The following CYLD variants were observed in gnomAD, a reference collection of about 807,000 sequenced individuals.
CYLD encodes the protein CYLD lysine 63 deubiquitinase, also known as ubiquitin carboxyl-terminal hydrolase CYLD.
In CYLD, 26 loss-of-function variants were observed where a neutral mutation model predicts 104.5. The ratio of observed to expected loss-of-function variants is 0.25; its 90% CI spans 0.18 to 0.35. The LOEUF (loss-of-function observed/expected upper bound fraction) is 0.35. Ranked by LOEUF, CYLD falls within the 10% of genes least tolerant of loss-of-function variation. The probability of loss-of-function intolerance (pLI) is 1.00; values close to 1 mark genes in which losing one functional copy is unlikely to be tolerated. For synonymous variants in CYLD, 385 were observed against 399.9 expected (o/e 0.96, Z 0.45); for missense variants, 703 against 1,136.1 (o/e 0.62, Z 5.48).
intron 12 of CYLD, 49 bp from the exon 13 acceptor site, chr16:50,786,806 T>C (rs1158844315): frequency 8.0e-7 from 1 of 1,257,330 alleles, no homozygotes; most frequent in Non-Finnish European, 1.2e-6. Context: ...AGATGTGTTA[T>C]ATAATTTAAT....
intron 5 of CYLD, among the ~76,000 whole-genome samples, chr16:50,771,635 G>A (rs1331111014): frequency 1.3e-5 from 2 of 152,022 alleles, no homozygotes; most frequent in African/African-American, 2.4e-5. Flanking sequence ...ATGTATGAGG[G>A]TTCTAATTTC....
intron 14 of CYLD, among the ~76,000 whole-genome samples, chr16:50,788,404 C>T (rs2151019905): frequency 6.6e-6 from 1 of 152,284 alleles, no homozygotes; most frequent in South Asian, 2.1e-4. Flanking sequence ...AAACAATGGA[C>T]CTTTTTACAT....
intron 11 of CYLD, 154 bp from the exon 12 acceptor site, chr16:50,784,175 C>A: frequency 2.8e-6 from 2 of 723,760 alleles, no homozygotes; most frequent in Non-Finnish European, 4.6e-6. Context: ...GGTATCTTCA[C>A]AGGGGTCCTG....
chr16:50,757,379 T>G (rs1225100320), intron 5 of CYLD, among the ~76,000 whole-genome samples: 1 of 152,246 alleles, frequency 6.6e-6, no homozygotes, highest in Non-Finnish European at 1.5e-5. Context: ...TGTGACATAC[T>G]TTGCTTTACT....
At chr16:50,796,290 C>G in intron 18 of CYLD, 34 bp from the exon 19 acceptor site, 4 of 1,605,530 alleles carry the variant, frequency 2.5e-6, no homozygotes, top group Non-Finnish European at 3.4e-6. Context: ...TAGAACTTGA[C>G]TGCCCTATAA....
chr16:50,797,218 A>G lies in CYLD; in HGVS notation c.*710A>G, dbSNP rs1208167663. 2 of 232,742 alleles carry G rather than the reference A, an allele frequency of 8.6e-6. No homozygotes were observed. The highest frequency in any genetic ancestry group is 6.1e-5 in the East Asian group (1 of 16,522). The allele number at this position is 232,742 out of a possible 1,614,324, so 14.4% of individuals were successfully genotyped here. ...GGGTATTTAGCAGTTGAAGCTCTTCATTCATAGTAGTTACTGTCAGCTAAC... is the reference window on the plus strand; with the variant it reads ...GGGTATTTAGCAGTTGAAGCTCTTCGTTCATAGTAGTTACTGTCAGCTAAC... On this transcript the variant is annotated 3_prime_UTR_variant, in exon 19 of 19. Transcript: ENST00000427738.
At chr16:50,778,152 C>T (rs902300463) in intron 8 of CYLD, 9 of 489,100 alleles carry the variant, frequency 1.8e-5, no homozygotes, top group Non-Finnish European at 3.3e-5. Context: ...GTAATTTGTT[C>T]TTTTCCTTTA....
chr16:50,779,501 G>A (rs575981243), intron 8 of CYLD, among the ~76,000 whole-genome samples, 164 bp from the exon 9 acceptor site: 1 of 152,160 alleles, frequency 6.6e-6, no homozygotes, highest in African/African-American at 2.4e-5. Context: ...AGAGAGGAGC[G>A]AGAACACTGT....
chr16:50,796,896 A>G lies in CYLD; in HGVS notation c.*388A>G. ...CTTCTTTATGGACCAAGGATATGAA[A>G]TCATTTTTCTTTTGTAGCTAACGGT... is the stretch of plus-strand genomic sequence containing the variant. On this transcript the variant is annotated 3_prime_UTR_variant, in exon 19 of 19. Transcript: ENST00000427738. The G allele has an allele frequency of 3.1e-6, 1 of 319,082 alleles. No homozygotes were observed. The highest frequency in any genetic ancestry group is 4.9e-5 in the East Asian group (1 of 20,614). 19.8% of individuals were successfully genotyped at this position (319,082 alleles called of 1,614,324 possible).
intron 14 of CYLD, 131 bp downstream of exon 14, chr16:50,787,983 G>A: frequency 3.5e-6 from 2 of 577,148 alleles, no homozygotes; most frequent in South Asian, 4.4e-5. Context: ...AATAGGCTAG[G>A]GGAATATCAT....
chr16:50,790,004 A>G (rs557506283), intron 14 of CYLD, among the ~76,000 whole-genome samples: 1 of 152,364 alleles, frequency 6.6e-6, no homozygotes, highest in East Asian at 1.9e-4. Flanking sequence ...AGAGTTAGAA[A>G]ACAAGAAAGA....
intron 5 of CYLD, among the ~76,000 whole-genome samples, chr16:50,763,690 CATA>C (rs1263394335): frequency 6.6e-6 from 1 of 152,186 alleles, no homozygotes; most frequent in Non-Finnish European, 1.5e-5. Flanking sequence ...ATAGTTTGCA[CATA>C]ATAACAGTTT....
chr16:50,793,483 T>G, intron 16 of CYLD, 63 bp from the exon 17 acceptor site: 1 of 1,113,380 alleles, frequency 9.0e-7, no homozygotes, highest in South Asian at 1.2e-5. Flanking sequence ...TTACATCTTC[T>G]TCATGAAAGA....
intron 5 of CYLD, among the ~76,000 whole-genome samples, chr16:50,774,210 G>A (rs1261840049): frequency 6.6e-6 from 1 of 151,960 alleles, no homozygotes; most frequent in African/African-American, 2.4e-5. Flanking sequence ...AAATTTATAT[G>A]CTATAATTTA....
chr16:50,786,826 T>C (rs1597073012), intron 12 of CYLD, 29 bp from the exon 13 acceptor site: 2 of 1,410,596 alleles, frequency 1.4e-6, no homozygotes, highest in East Asian at 4.6e-5. Context: ...TACATGCCAA[T>C]ATCAATTAAT....
intron 5 of CYLD, 37 bp downstream of exon 5, chr16:50,754,461 C>G (rs1476318887): frequency 4.3e-6 from 6 of 1,386,628 alleles, no homozygotes; most frequent in Admixed American, 1.8e-5. Flanking sequence ...ATAAGGCAAA[C>G]TTTATTTTTT....
At position 50,796,315 on chromosome 16, in the gene CYLD, G is replaced by A; in HGVS notation, c.2687-9G>A. 6.2e-7 allele frequency: 1 copy of A among 1,614,014 alleles called. No homozygotes were observed. The highest frequency in any genetic ancestry group is 2.2e-5 in the East Asian group (1 of 44,878). On this transcript the variant is annotated splice_polypyrimidine_tract_variant and intron_variant, in intron 18 of 18. Coordinates refer to ENST00000427738, the MANE Select transcript of CYLD (RefSeq NM_001378743.1). Reference sequence around the variant, plus strand: ...CTGCCCTATAAAGAGTTCTTCCTCTGTGCCATAGGTGGTCAGAATGGCTTC... The same window carrying A: ...CTGCCCTATAAAGAGTTCTTCCTCTATGCCATAGGTGGTCAGAATGGCTTC...
In CYLD at chr16:50,776,123, G is replaced by A. The variant is rs575300822; in HGVS notation, c.923-56G>A. ...TTTTATTTTGTTACTGTCATTCCTT[G>A]TTTCTCTTCTATAAGAATTTGCCTT... On this transcript the variant is annotated intron_variant, in intron 6 of 18. Coordinates refer to ENST00000427738, the MANE Select transcript of CYLD (RefSeq NM_001378743.1). The A allele has an allele frequency of 6.4e-6, 8 of 1,252,734 alleles. No individual in the cohort carries two copies. In the East Asian group the frequency reaches 1.8e-4, roughly 29 times the overall value. The allele number at this position is 1,252,734 out of a possible 1,614,324, so 77.6% of individuals were successfully genotyped here.
chr16:50,798,504 G>A lies in CYLD; in HGVS notation c.*1996G>A, dbSNP rs1365369367. On this transcript the variant is annotated 3_prime_UTR_variant, in exon 19 of 19. Transcript: ENST00000427738. ...TTATATGCAAATTCTGTACCATTTT[G>A]TATCAGGGAATTGAGCATCTTCAGA... 8.6e-6 allele frequency: 2 copies of A among 231,310 alleles called. No individual in the cohort carries two copies. Among genetic ancestry groups the A allele is most frequent in the South Asian group, 1.8e-4 (1 of 5,504 alleles). 14.3% of individuals were successfully genotyped at this position (231,310 alleles called of 1,614,324 possible).
Sources: gnomAD v4.1 joint callset for allele counts (sites outside exome capture counted in the v4.1 genomes callset) on GRCh38, gnomAD v4.1.1 for gene constraint, MANE v1.5 for transcripts, NCBI Gene and HGNC (gene_info 2026-07-23, HGNC 2026-07-21) for gene names.